RASGRP3: variants seen among roughly 807,000 people sequenced by gnomAD.
RASGRP3 encodes the protein ras guanyl-releasing protein 3.
Under a neutral mutation model 82.7 loss-of-function variants are expected in RASGRP3, and 54 were observed. That is an observed-to-expected ratio of 0.65 (90% confidence interval 0.52 to 0.82). The LOEUF (loss-of-function observed/expected upper bound fraction) is 0.82. Among genes scored for constraint, RASGRP3 ranks in the 40% least tolerant of loss-of-function variants. RASGRP3 has a pLI of 0.00. For missense variants in RASGRP3, 861 were observed against 828.9 expected (o/e 1.04, Z -0.48); for synonymous variants, 309 against 300.5 (o/e 1.03, Z -0.29).
At chr2:33,503,322 T>C (rs1175224112) in intron 1 of RASGRP3, among the ~76,000 whole-genome samples, 1 of 152,158 alleles carries the variant, frequency 6.6e-6, no homozygotes, top group South Asian at 2.1e-4. Context: ...ACTACATAAA[T>C]TTTCTAGTCA....
chr2:33,516,182 G>C (rs1267610545), intron 3 of RASGRP3, among the ~76,000 whole-genome samples: 4 of 152,170 alleles, frequency 2.6e-5, no homozygotes, highest in Non-Finnish European at 5.9e-5. Flanking sequence ...GGCTGAGGTG[G>C]GCGGATCATG....
chr2:33,493,954 A>G (rs1342768321), intron 1 of RASGRP3, among the ~76,000 whole-genome samples: 1 of 152,158 alleles, frequency 6.6e-6, no homozygotes, highest in Non-Finnish European at 1.5e-5. Flanking sequence ...TTTTTAAAGC[A>G]AATGCATTAG....
chr2:33,545,393 C>T (rs1674636538), intron 13 of RASGRP3, among the ~76,000 whole-genome samples: 2 of 152,212 alleles, frequency 1.3e-5, no homozygotes, highest in Non-Finnish European at 2.9e-5. Context: ...TAAGTAGTCA[C>T]ATGTGAGAAA....
At chr2:33,445,364 G>T (rs1026295386) in intron 1 of RASGRP3, among the ~76,000 whole-genome samples, 2 of 152,166 alleles carry the variant, frequency 1.3e-5, no homozygotes. Context: ...TTCCATGAGG[G>T]TTTGGTTATG....
rs954110139 is a variant in RASGRP3 at position 33,541,504 on chromosome 2, G to A, written c.1279-2008G>A. ...CTCCAGAAATATTGTGGCTATTTACGTCACTAACTTGATACAAGAGTACCT... is the reference window on the plus strand; with the variant it reads ...CTCCAGAAATATTGTGGCTATTTACATCACTAACTTGATACAAGAGTACCT... On this transcript the variant is annotated intron_variant, in intron 12 of 17. Coordinates refer to ENST00000403687, the MANE Select transcript of RASGRP3 (RefSeq NM_001139488.2). Among the ~76,000 whole-genome samples, 14 of 146,938 alleles carry A rather than the reference G, an allele frequency of 9.5e-5. 2 individuals carry two copies. The highest frequency in any genetic ancestry group is 1.9e-4 in the East Asian group (1 of 5,190).
chr2:33,459,695 GAAAGTGAAAAATTAC>G (rs1411355269), intron 2 of RASGRP3, among the ~76,000 whole-genome samples: 1 of 151,590 alleles, frequency 6.6e-6, no homozygotes, highest in Non-Finnish European at 1.5e-5. Context: ...GTAGAGTCAG[GAAAGTGAAAAATTAC>G]AAAGGGTTGA....
chr2:33,520,203 A>G (rs1031622446), intron 5 of RASGRP3, among the ~76,000 whole-genome samples, 189 bp downstream of exon 5: 3 of 152,152 alleles, frequency 2.0e-5, no homozygotes, highest in Non-Finnish European at 4.4e-5. Context: ...ACTAGAGATC[A>G]AGTAGTAGTA....
intron 13 of RASGRP3, 101 bp from the exon 14 acceptor site, chr2:33,549,503 C>T: frequency 8.4e-7 from 1 of 1,191,366 alleles, no homozygotes; most frequent in Non-Finnish European, 1.2e-6. Context: ...GCCTCAACTG[C>T]TTTTGGCCAC....
At chr2:33,474,478 T>TC (rs1667241409), upstream of RASGRP3, among the ~76,000 whole-genome samples, 1 of 152,156 alleles carries the variant, frequency 6.6e-6, no homozygotes, top group Non-Finnish European at 1.5e-5. Flanking sequence ...AATTTTTGTA[T>TC]TTTTAGTAGA....
intron 1 of RASGRP3, among the ~76,000 whole-genome samples, chr2:33,511,171 A>C (rs1670890488): frequency 6.6e-6 from 1 of 152,190 alleles, no homozygotes; most frequent in African/African-American, 2.4e-5. Flanking sequence ...TATATGCTGG[A>C]GAACAATAAT....
At chr2:33,492,314 A>G (rs765205402) in intron 1 of RASGRP3, among the ~76,000 whole-genome samples, 6 of 152,182 alleles carry the variant, frequency 3.9e-5, no homozygotes, top group Non-Finnish European at 7.4e-5. Flanking sequence ...TTTATTACAG[A>G]CCTGCTTCGA....
chr2:33,563,067 CTCAG>C lies in RASGRP3; in HGVS notation c.*333_*336del, dbSNP rs1676864934. The C allele has an allele frequency of 3.2e-6, 1 of 314,344 alleles. No homozygotes were observed. The highest frequency in any genetic ancestry group is 1.1e-4 in the South Asian group (1 of 9,308). The allele number at this position is 314,344 out of a possible 1,614,324, so 19.5% of individuals were successfully genotyped here. The stretch of plus-strand genomic sequence containing the variant: ...AAAGCTTTTTTGCATGTACTTGATA[CTCAG>C]TCTGTAAACTCAGACTTCGCTTTTT... On this transcript the variant is annotated 3_prime_UTR_variant, in exon 18 of 18. Coordinates refer to ENST00000403687, the MANE Select transcript of RASGRP3 (RefSeq NM_001139488.2).
chr2:33,481,133 T>G (rs1352730077), intron 1 of RASGRP3: 1 of 152,402 alleles, frequency 6.6e-6, no homozygotes, highest in Admixed American at 6.5e-5. Flanking sequence ...AGTGCCAGGC[T>G]TTTTCTGTTG....
intron 2 of RASGRP3, among the ~76,000 whole-genome samples, chr2:33,456,965 C>G (rs908668848): frequency 6.7e-6 from 1 of 149,014 alleles, no homozygotes; most frequent in African/African-American, 2.5e-5. Flanking sequence ...GTGCAGTGGC[C>G]TATCTTAGCT....
At position 33,519,987 on chromosome 2, in the gene RASGRP3, T is replaced by A. The variant is rs1671865320; in HGVS notation, c.209T>A (p.Phe70Tyr). Residue 70 changes from phenylalanine (F) to tyrosine (Y), a missense_variant, in exon 5 of 18, where the codon TTT (phenylalanine) becomes TAT (tyrosine). Phe to Tyr is a conservative substitution (Grantham distance 22, BLOSUM62 3). Transcript: ENST00000403687. The stretch of plus-strand genomic sequence containing the variant: ...GCCACTGGAGAAAGCTGCAATGAAT[T>A]TCGATTAAAGATCTGCTACTTCATG... ...RNATGESCNE[F>Y]RLKICYFMRY... 6.2e-7 allele frequency: 1 copy of A among 1,609,928 alleles called. No individual in the cohort carries two copies. Among genetic ancestry groups the A allele is most frequent in the African/African-American group, 1.3e-5 (1 of 74,884 alleles).
intron 2 of RASGRP3, among the ~76,000 whole-genome samples, chr2:33,452,693 C>A (rs1040175476): frequency 6.6e-6 from 1 of 152,210 alleles, no homozygotes; most frequent in African/African-American, 2.4e-5. Context: ...AGCCTGGTTA[C>A]TGGGACTTGC....
At chr2:33,458,450 A>G (rs1028643070) in intron 2 of RASGRP3, among the ~76,000 whole-genome samples, 1 of 152,192 alleles carries the variant, frequency 6.6e-6, no homozygotes, top group African/African-American at 2.4e-5. Context: ...TATATATGCT[A>G]TTAAAAATAT....
intron 1 of RASGRP3, among the ~76,000 whole-genome samples, chr2:33,491,702 T>C (rs1668858683): frequency 1.3e-5 from 2 of 152,268 alleles, no homozygotes; most frequent in African/African-American, 4.8e-5. Flanking sequence ...CTCATTGTTA[T>C]AAGTTTTATT....
intron 6 of RASGRP3, among the ~76,000 whole-genome samples, chr2:33,521,520 C>T (rs746663056): frequency 8.5e-5 from 13 of 152,200 alleles, no homozygotes; most frequent in South Asian, 2.1e-4. Flanking sequence ...AAGTCAGAAC[C>T]TCTGGCAGCG....
Sources: allele counts gnomAD v4.1 joint callset (sites outside exome capture counted in the v4.1 genomes callset), GRCh38; gene constraint gnomAD v4.1.1; transcripts MANE v1.5; gene names NCBI Gene and HGNC (gene_info 2026-07-23, HGNC 2026-07-21).